FSTL5: variants seen among roughly 807,000 people sequenced by gnomAD.
FSTL5 encodes follistatin like 5, also known as follistatin-related protein 5.
FSTL5 carries 62 observed loss-of-function variants against 89.1 expected under a neutral mutation model. The ratio of observed to expected loss-of-function variants is 0.70; its 90% CI spans 0.57 to 0.86. The LOEUF is 0.86. Among genes scored for constraint, FSTL5 ranks in the 40% least tolerant of loss-of-function variants. The pLI, the probability that FSTL5 is intolerant of heterozygous loss-of-function variation, is 0.00. For synonymous variants in FSTL5, 383 were observed against 346.2 expected (o/e 1.11, Z -1.18); for missense variants, 1,057 against 1,001.6 (o/e 1.06, Z -0.75).
chr4:161,960,412 A>G (rs375427604), intron 3 of FSTL5, among the ~76,000 whole-genome samples: 1 of 151,756 alleles, frequency 6.6e-6, no homozygotes, highest in South Asian at 2.1e-4. Flanking sequence ...CTGACCTCAG[A>G]TGATCTGCCT....
At chr4:162,099,629 A>C (rs1730907403) in intron 2 of FSTL5, among the ~76,000 whole-genome samples, 1 of 152,196 alleles carries the variant, frequency 6.6e-6, no homozygotes, top group East Asian at 1.9e-4. Context: ...CAAAAGAATG[A>C]GAAGACAAAC....
intron 10 of FSTL5, among the ~76,000 whole-genome samples, chr4:161,519,963 T>C (rs1236903223): frequency 6.6e-6 from 1 of 152,156 alleles, no homozygotes; most frequent in Non-Finnish European, 1.5e-5. Flanking sequence ...GTTCAATAGA[T>C]GTTGGTTTTG....
intron 11 of FSTL5, among the ~76,000 whole-genome samples, chr4:161,502,125 T>A (rs1328024045): frequency 6.6e-6 from 1 of 152,024 alleles, no homozygotes; most frequent in Non-Finnish European, 1.5e-5. Context: ...TGTTTGGGCC[T>A]GACAACTACT....
chr4:161,787,957 GA>G (rs1295383912), intron 4 of FSTL5, among the ~76,000 whole-genome samples: 1 of 151,950 alleles, frequency 6.6e-6, no homozygotes, highest in African/African-American at 2.4e-5. Context: ...ATATATTTAA[GA>G]AAAAAATTCA....
Position 161,735,977 on chromosome 4 carries a change from A to C in FSTL5, c.727+23434T>G, listed in dbSNP as rs374540569. 7.2e-5 allele frequency among the ~76,000 whole-genome samples: 11 copies of C among 152,290 alleles called. No homozygotes were observed. In the South Asian group the frequency reaches 2.3e-3, roughly 32 times the overall value. On this transcript the variant is annotated intron_variant, in intron 6 of 15. Transcript: ENST00000306100. ...GGAAGAGAAAAAAGAGAAGAAAATC[A>C]GTGTAAAGTGAGAGATAAAACTGAT...
chr4:161,997,714 C>G (rs1008573667), intron 3 of FSTL5, among the ~76,000 whole-genome samples: 2 of 150,334 alleles, frequency 1.3e-5, no homozygotes, highest in African/African-American at 4.9e-5. Flanking sequence ...ACGCTATTCT[C>G]CTATCTCAGC....
At chr4:161,839,730 G>T (rs1459781030) in intron 4 of FSTL5, among the ~76,000 whole-genome samples, 1 of 152,156 alleles carries the variant, frequency 6.6e-6, no homozygotes, top group Non-Finnish European at 1.5e-5. Flanking sequence ...CACTTAAAAA[G>T]GGAATGAAAG....
At chr4:161,523,589 A>G (rs1269043932) in intron 10 of FSTL5, among the ~76,000 whole-genome samples, 1 of 152,226 alleles carries the variant, frequency 6.6e-6, no homozygotes, top group Non-Finnish European at 1.5e-5. Context: ...AAGTAACACT[A>G]TCTTTTAGGA....
In FSTL5 at chr4:161,596,354, CGAATT is replaced by C. The variant is rs1328532587; in HGVS notation, c.895-8784_895-8780del. 2.6e-5 allele frequency among the ~76,000 whole-genome samples: 4 copies of C among 151,706 alleles called. No individual in the cohort carries two copies. The East Asian group carries it at 7.7e-4, about 29-fold the overall frequency. On this transcript the variant is annotated intron_variant, in intron 7 of 15. Coordinates refer to ENST00000306100, the MANE Select transcript of FSTL5 (RefSeq NM_020116.5). Reference sequence around the variant, plus strand: ...AATAGAAAAGAAATGTCAACTAACACGAATTGAAACTATTGCTTAAAATTATTAAG... The same window carrying C: ...AATAGAAAAGAAATGTCAACTAACACGAAACTATTGCTTAAAATTATTAAG...
At chr4:162,143,785 T>TACACACACACAC (rs70946245) in intron 1 of FSTL5, among the ~76,000 whole-genome samples, 52 of 138,662 alleles carry the variant, frequency 3.8e-4, no homozygotes, top group African/African-American at 1.3e-3. Context: ...TGACTTTAAA[T>TACACACACACAC]ACACACACAC....
At chr4:161,519,487 C>A (rs1346271496) in intron 10 of FSTL5, among the ~76,000 whole-genome samples, 1 of 152,108 alleles carries the variant, frequency 6.6e-6, no homozygotes, top group Admixed American at 6.5e-5. Context: ...GATCGCTCCA[C>A]TGCACTCCAG....
chr4:161,975,138 C>T (rs1298110082), intron 3 of FSTL5, among the ~76,000 whole-genome samples: 1 of 136,826 alleles, frequency 7.3e-6, no homozygotes, highest in Non-Finnish European at 1.5e-5. Flanking sequence ...AATAGGAACA[C>T]TTTGACACTG....
intron 7 of FSTL5, among the ~76,000 whole-genome samples, chr4:161,636,397 G>C (rs1020848184): frequency 9.4e-5 from 14 of 149,012 alleles, no homozygotes; most frequent in African/African-American, 3.5e-4. Flanking sequence ...ATAATCTCTT[G>C]CCCCTTCAAT....
At chr4:161,570,724 G>A (rs1307525629) in intron 8 of FSTL5, among the ~76,000 whole-genome samples, 1 of 152,184 alleles carries the variant, frequency 6.6e-6, no homozygotes, top group East Asian at 1.9e-4. Flanking sequence ...AAATTCTCAT[G>A]GCATCTCTTA....
In FSTL5 at chr4:161,775,890, A is replaced by G; in HGVS notation, c.594T>C (p.Asn198=). 1 of 1,539,214 alleles carries G rather than the reference A, an allele frequency of 6.5e-7. No homozygotes were observed. ...DADSNGLVDI[N]ELTQVIKQEE... is the part of the protein sequence containing the mutation. Reference sequence around the variant, plus strand: ...TCACTAATCATACCTGAGTTAGTTCATTAATATCTACAAGTCCATTACTGT... The same window carrying G: ...TCACTAATCATACCTGAGTTAGTTCGTTAATATCTACAAGTCCATTACTGT... Residue 198 remains asparagine, a synonymous_variant, in exon 5 of 16, where the codon AAT becomes AAC. Coordinates refer to ENST00000306100, the MANE Select transcript of FSTL5 (RefSeq NM_020116.5).
chr4:161,905,844 T>C (rs1733507899), intron 4 of FSTL5, among the ~76,000 whole-genome samples: 1 of 152,150 alleles, frequency 6.6e-6, no homozygotes, highest in African/African-American at 2.4e-5. Context: ...GAAACAGCAA[T>C]GTTTTAATCT....
In FSTL5 at chr4:162,106,657, G is replaced by T. The variant is rs1013149462; in HGVS notation, c.126+4614C>A. ...GCCAAGAATAGAAATGAAACAGGGA[G>T]CCAAAATGGTAAAGAAAAAGGAGCA... On this transcript the variant is annotated intron_variant, in intron 2 of 15. Transcript: ENST00000306100. Among the ~76,000 whole-genome samples, 10 of 152,220 alleles carry T rather than the reference G, an allele frequency of 6.6e-5. 1 individual carries two copies. The highest frequency in any genetic ancestry group is 7.4e-5 in the Non-Finnish European group (5 of 67,994).
chr4:162,056,784 T>A (rs1038644751), intron 2 of FSTL5, among the ~76,000 whole-genome samples: 1 of 152,126 alleles, frequency 6.6e-6, no homozygotes, highest in Non-Finnish European at 1.5e-5. Flanking sequence ...TTGTCAACAT[T>A]TTATTTCTTA....
At chr4:161,913,072 A>G (rs1043073553) in intron 4 of FSTL5, among the ~76,000 whole-genome samples, 1 of 152,206 alleles carries the variant, frequency 6.6e-6, no homozygotes, top group African/African-American at 2.4e-5. Context: ...TGGGTGCCAT[A>G]AAAAACATTC....
Sources: allele counts gnomAD v4.1 joint callset (sites outside exome capture counted in the v4.1 genomes callset), GRCh38; gene constraint gnomAD v4.1.1; transcripts MANE v1.5; gene names NCBI Gene and HGNC (gene_info 2026-07-23, HGNC 2026-07-21).